Variants in EBF3 observed in about 807,000 individuals in gnomAD.
EBF3 encodes transcription factor COE3.
EBF3 carries 18 observed loss-of-function variants against 77.1 expected under a neutral mutation model. The ratio of observed to expected loss-of-function variants is 0.23; its 90% confidence interval spans 0.16 to 0.35. The LOEUF (loss-of-function observed/expected upper bound fraction) is 0.35. EBF3 is among the 10% of genes least tolerant of loss of function. The pLI, the probability that EBF3 is intolerant of heterozygous loss-of-function variation, is 1.00. For missense variants in EBF3, 558 were observed against 860.0 expected (o/e 0.65, Z 4.39); for synonymous variants, 350 against 343.5 (o/e 1.02, Z -0.21).
intron 8 of EBF3, among the ~76,000 whole-genome samples, chr10:129,872,280 C>G (rs963661395): frequency 1.3e-5 from 2 of 152,196 alleles, no homozygotes; most frequent in Non-Finnish European, 2.9e-5. Context: ...ACCTTCAGTG[C>G]ATGGGAAGGA....
At chr10:129,911,680 C>G (rs1430032587) in intron 6 of EBF3, among the ~76,000 whole-genome samples, 4 of 152,142 alleles carry the variant, frequency 2.6e-5, no homozygotes, top group African/African-American at 9.7e-5. Flanking sequence ...GTTAGCCGAC[C>G]TGTCATTCAG....
At chr10:129,876,666 G>A (rs575924018) in intron 7 of EBF3, among the ~76,000 whole-genome samples, 128 of 152,324 alleles carry the variant, frequency 8.4e-4, no homozygotes, top group African/African-American at 2.7e-3. Context: ...GAATCATTCT[G>A]CTCTTGGGTC....
At chr10:129,865,565 C>T (rs1436285282) in intron 10 of EBF3, among the ~76,000 whole-genome samples, 1 of 152,150 alleles carries the variant, frequency 6.6e-6, no homozygotes, top group Non-Finnish European at 1.5e-5. Context: ...CTGCCTCTCC[C>T]ATCCTAACCA....
rs575812183 is a variant in EBF3 at position 129,922,671 on chromosome 10, C to A, written c.554+34587G>T. Among the ~76,000 whole-genome samples, 20 of 152,376 alleles carry A rather than the reference C, an allele frequency of 1.3e-4. No individual in the cohort carries two copies. In the East Asian group the frequency reaches 3.9e-3, roughly 29 times the overall value. On this transcript the variant is annotated intron_variant, in intron 6 of 16. Transcript: ENST00000440978. ...ACCTACAGCGATGCCCTGCATGATG[C>A]CAGCCACAAGGACCCTTCCCTAGGC...
Position 129,836,659 on chromosome 10 carries a change from T to TAAAG in EBF3, c.*1280_*1283dup, listed in dbSNP as rs1376513084. 6.7e-6 allele frequency: 1 copy of TAAAG among 150,054 alleles called. No individual in the cohort carries two copies. Among genetic ancestry groups the TAAAG allele is most frequent in the African/African-American group, 2.5e-5 (1 of 40,702 alleles). The allele number at this position is 150,054 out of a possible 1,614,324, so 9.3% of individuals were successfully genotyped here. The stretch of plus-strand genomic sequence containing the variant: ...TATTTTTTGAAGTACAAATGAAATG[T>TAAAG]AAAGACACTGGTTCAGCTTAACGAA... On this transcript the variant is annotated 3_prime_UTR_variant, in exon 17 of 17. Transcript: ENST00000440978.
At chr10:129,934,270 C>T (rs1257050086) in intron 6 of EBF3, among the ~76,000 whole-genome samples, 6 of 151,930 alleles carry the variant, frequency 3.9e-5, no homozygotes, top group East Asian at 1.9e-4. Flanking sequence ...TTCCAGGCAG[C>T]GACATCACGC....
intron 6 of EBF3, among the ~76,000 whole-genome samples, chr10:129,924,430 C>CAAAAAAAAAA (rs956215243): frequency 4.6e-5 from 5 of 108,444 alleles, no homozygotes; most frequent in African/African-American, 1.1e-4. Context: ...ACAACAACAA[C>CAAAAAAAAAA]AAAAAAAAAA....
rs1851778067 is a variant in EBF3, at chr10:129,863,470, T to C, written c.1039+3671A>G. On this transcript the variant is annotated intron_variant, in intron 10 of 16. Coordinates refer to ENST00000440978, the MANE Select transcript of EBF3 (RefSeq NM_001375380.1). This position sits in a 1 kb window ranked among gnomAD's most constrained non-coding sequence, Gnocchi z 4.0. ...TGTTTCTCAGATCACTGTAAACAGATCATTGAGGCCCTTTGCAAAGCCCCT... is the reference window on the plus strand; with the variant it reads ...TGTTTCTCAGATCACTGTAAACAGACCATTGAGGCCCTTTGCAAAGCCCCT... Among the ~76,000 whole-genome samples, 1 of 152,174 alleles carries C rather than the reference T, an allele frequency of 6.6e-6. No homozygotes were observed. The highest frequency in any genetic ancestry group is 1.5e-5 in the Non-Finnish European group (1 of 68,026).
At chr10:129,921,477 G>A (rs544833665) in intron 6 of EBF3, among the ~76,000 whole-genome samples, 5 of 152,290 alleles carry the variant, frequency 3.3e-5, no homozygotes, top group East Asian at 3.9e-4. Flanking sequence ...GGATACCCCC[G>A]ACCATGGGGC....
In EBF3 at chr10:129,940,710, AGAG is replaced by A. The variant is rs1345404777; in HGVS notation, c.554+16545_554+16547del. On this transcript the variant is annotated intron_variant, in intron 6 of 16. Transcript: ENST00000440978. ...ACCTGCTAGGAAGTAGGGGGCTGGCAGAGGAAGAGCAGAGGTGGCCTCAGGAGT... is the reference window on the plus strand; with the variant it reads ...ACCTGCTAGGAAGTAGGGGGCTGGCAGAAGAGCAGAGGTGGCCTCAGGAGT... Among the ~76,000 whole-genome samples the A allele has an allele frequency of 5.3e-5, 8 of 152,192 alleles. No homozygotes were observed. The South Asian group carries it at 6.2e-4, about 12-fold the overall frequency.
chr10:129,885,341 A>G lies in EBF3; in HGVS notation c.555-7492T>C, dbSNP rs1221934405. Among the ~76,000 whole-genome samples the G allele has an allele frequency of 6.6e-6, 1 of 152,154 alleles. No homozygotes were observed. The highest frequency in any genetic ancestry group is 1.5e-5 in the Non-Finnish European group (1 of 68,018). On this transcript the variant is annotated intron_variant, in intron 6 of 16. Coordinates refer to ENST00000440978, the MANE Select transcript of EBF3 (RefSeq NM_001375380.1). The surrounding 1 kb of genome is among the most constrained non-coding windows in gnomAD (Gnocchi z 4.0). Reference sequence around the variant, plus strand: ...TTCCGGGTGGTTTTAATGTGTTCAGATAAGTAAAATCCAGGTAGACACTCT... The same window carrying G: ...TTCCGGGTGGTTTTAATGTGTTCAGGTAAGTAAAATCCAGGTAGACACTCT...
At chr10:129,876,659 T>G (rs1852791053) in intron 7 of EBF3, among the ~76,000 whole-genome samples, 1 of 152,224 alleles carries the variant, frequency 6.6e-6, no homozygotes, top group Non-Finnish European at 1.5e-5. Context: ...CAAACAGGAA[T>G]CATTCTGCTC....
At chr10:129,900,407 C>A (rs1354439055) in intron 6 of EBF3, among the ~76,000 whole-genome samples, 1 of 151,922 alleles carries the variant, frequency 6.6e-6, no homozygotes, top group Admixed American at 6.6e-5. Flanking sequence ...TAGGAGGGGG[C>A]TGGAGAGAGG....
intron 6 of EBF3, among the ~76,000 whole-genome samples, chr10:129,916,663 G>T (rs1305872002): frequency 6.6e-6 from 1 of 152,188 alleles, no homozygotes; most frequent in Non-Finnish European, 1.5e-5. Context: ...TGGATGCAGG[G>T]AGTGTGACCC....
Position 129,924,870 on chromosome 10 carries a change from A to G in EBF3, c.554+32388T>C, listed in dbSNP as rs1856558710. 2.0e-5 allele frequency among the ~76,000 whole-genome samples: 3 copies of G among 152,022 alleles called. No individual in the cohort carries two copies. In the South Asian group the frequency reaches 6.2e-4, roughly 32 times the overall value. On this transcript the variant is annotated intron_variant, in intron 6 of 16. Coordinates refer to ENST00000440978, the MANE Select transcript of EBF3 (RefSeq NM_001375380.1). ...AATTTGTGAAGATGGAGGTCTCACT[A>G]TGTTGCTTAGGCTGGTCTCAAACTC...
chr10:129,951,005 G>C (rs1364709169), intron 6 of EBF3, among the ~76,000 whole-genome samples: 2 of 152,196 alleles, frequency 1.3e-5, no homozygotes, highest in Admixed American at 1.3e-4. Flanking sequence ...GTCTCCCTTT[G>C]CCACTGTTTG....
intron 10 of EBF3, among the ~76,000 whole-genome samples, chr10:129,851,241 T>C (rs568305176): frequency 4.6e-5 from 7 of 152,318 alleles, no homozygotes; most frequent in South Asian, 2.1e-4. Flanking sequence ...ACTGACCTCG[T>C]GGATAATTAG....
At chr10:129,871,061 A>C (rs975388396) in intron 8 of EBF3, among the ~76,000 whole-genome samples, 1 of 152,144 alleles carries the variant, frequency 6.6e-6, no homozygotes, top group African/African-American at 2.4e-5. Flanking sequence ...TACCTCTCCT[A>C]GGGCCATCTG....
chr10:129,839,285 A>G (rs1849832615), intron 15 of EBF3, 90 bp from the exon 16 acceptor site: 1 of 572,938 alleles, frequency 1.7e-6, no homozygotes, highest in South Asian at 1.6e-5. Context: ...GGAGGAGCAT[A>G]TACCAAAGGT....
Sources: gnomAD v4.1 joint callset for allele counts (sites outside exome capture counted in the v4.1 genomes callset) on GRCh38, gnomAD v4.1.1 for gene constraint, Gnocchi (gnomAD v3.1) non-coding constraint, MANE v1.5 for transcripts, NCBI Gene and HGNC (gene_info 2026-07-23, HGNC 2026-07-21) for gene names.